The following IL1RAPL2 variants were observed in gnomAD, a reference collection of about 807,000 sequenced individuals.
IL1RAPL2 encodes X-linked interleukin-1 receptor accessory protein-like 2.
A neutral mutation model predicts 44.1 loss-of-function variants in IL1RAPL2; 3 were observed. That is an observed-to-expected ratio of 0.07 (90% CI 0.03 to 0.18). The LOEUF is 0.18. IL1RAPL2 is among the 10% of genes least tolerant of loss of function. IL1RAPL2 has a pLI of 1.00. For synonymous variants in IL1RAPL2, 181 were observed against 178.8 expected, an observed-to-expected ratio of 1.01 and a Z score of -0.10; for missense variants, 391 against 496.4, an observed-to-expected ratio of 0.79 and a Z score of 2.02.
intron 2 of IL1RAPL2, among the ~76,000 whole-genome samples, chrX:104,918,122 C>T (rs1203716030): frequency 8.9e-6 from 1 of 112,107 alleles, no homozygotes; most frequent in African/African-American, 3.2e-5. Flanking sequence ...CTGTCGCTAC[C>T]AGTGTTTCTC....
intron 2 of IL1RAPL2, among the ~76,000 whole-genome samples, chrX:105,121,162 C>T (rs764305929): frequency 1.8e-4 from 20 of 111,258 alleles, no homozygotes; most frequent in Non-Finnish European, 2.8e-4. Context: ...CTTCAACAAG[C>T]GTCAGCTATA....
chrX:105,511,348 G>A (rs773781684), intron 6 of IL1RAPL2, among the ~76,000 whole-genome samples: 1 of 111,297 alleles, frequency 9.0e-6, no homozygotes, highest in South Asian at 3.7e-4. Flanking sequence ...AAGTATTCTT[G>A]GGTCCTGCTT....
intron 2 of IL1RAPL2, among the ~76,000 whole-genome samples, chrX:104,827,148 G>A (rs1178922388): frequency 9.1e-6 from 1 of 109,700 alleles, no homozygotes; most frequent in Non-Finnish European, 1.9e-5. Flanking sequence ...ATTGTTATGT[G>A]TGAATTTGAT....
intron 2 of IL1RAPL2, among the ~76,000 whole-genome samples, chrX:105,071,860 TC>T (rs1026722346): frequency 2.7e-5 from 3 of 111,448 alleles, no homozygotes; most frequent in Non-Finnish European, 5.7e-5. Flanking sequence ...TATATGAAAA[TC>T]AACTCAAAAT....
chrX:105,603,955 T>G (rs2037273740), intron 6 of IL1RAPL2, among the ~76,000 whole-genome samples: 1 of 110,633 alleles, frequency 9.0e-6, no homozygotes, highest in South Asian at 3.8e-4. Flanking sequence ...AAAAATGCAT[T>G]GAAACAAATA....
intron 6 of IL1RAPL2, among the ~76,000 whole-genome samples, chrX:105,559,969 T>C (rs759377034): frequency 2.7e-5 from 3 of 111,908 alleles, no homozygotes; most frequent in Non-Finnish European, 5.6e-5. Context: ...TCCATAGGGC[T>C]TAGATCCCAA....
chrX:104,749,184 T>C (rs1410696276), intron 2 of IL1RAPL2, among the ~76,000 whole-genome samples: 2 of 111,096 alleles, frequency 1.8e-5, no homozygotes, highest in Non-Finnish European at 3.8e-5. Flanking sequence ...TGAGAAGGCA[T>C]AATTTATTTA....
At chrX:105,061,168 G>A (rs2032071734) in intron 2 of IL1RAPL2, among the ~76,000 whole-genome samples, 1 of 110,929 alleles carries the variant, frequency 9.0e-6, no homozygotes, top group South Asian at 3.8e-4. Context: ...TTTAATGCAG[G>A]AACTTATTAC....
chrX:105,227,959 A>G (rs782784310), intron 3 of IL1RAPL2, among the ~76,000 whole-genome samples: 29 of 111,498 alleles, frequency 2.6e-4, no homozygotes, highest in African/African-American at 9.1e-4. Flanking sequence ...CCCCTTTACT[A>G]GAAAACCTTA....
chrX:105,134,939 A>G (rs1255952226), intron 2 of IL1RAPL2, among the ~76,000 whole-genome samples: 1 of 108,402 alleles, frequency 9.2e-6, no homozygotes, highest in Non-Finnish European at 1.9e-5. Flanking sequence ...AGAGTTTGCT[A>G]TCTCTGTGGT....
At chrX:105,576,253 T>C (rs1192366760) in intron 6 of IL1RAPL2, among the ~76,000 whole-genome samples, 1 of 111,146 alleles carries the variant, frequency 9.0e-6, no homozygotes, top group Admixed American at 9.6e-5. Context: ...TAGAATGGTA[T>C]TGTGTAGGTT....
At chrX:105,328,190 G>T (rs1244680395) in intron 5 of IL1RAPL2, among the ~76,000 whole-genome samples, 1 of 111,935 alleles carries the variant, frequency 8.9e-6, no homozygotes, top group Non-Finnish European at 1.9e-5. Context: ...TGATCCCTTT[G>T]TCAAATTCTT....
chrX:105,240,125 T>G (rs1199020084), intron 4 of IL1RAPL2, among the ~76,000 whole-genome samples: 1 of 112,493 alleles, frequency 8.9e-6, no homozygotes, highest in Non-Finnish European at 1.9e-5. Flanking sequence ...ATTTGGATTA[T>G]TTTATCTTTT....
At chrX:105,429,475 T>C (rs1167487149) in intron 5 of IL1RAPL2, among the ~76,000 whole-genome samples, 1 of 112,167 alleles carries the variant, frequency 8.9e-6, no homozygotes, top group Non-Finnish European at 1.9e-5. Context: ...TCATGCTTGA[T>C]TAAATGCAGA....
intron 2 of IL1RAPL2, among the ~76,000 whole-genome samples, chrX:104,744,939 TA>T (rs777782409): frequency 2.7e-5 from 3 of 110,806 alleles, no homozygotes; most frequent in African/African-American, 9.8e-5. Context: ...GGGGCAATGA[TA>T]AACAGCTCAT....
chrX:104,588,921 A>G (rs967697599), intron 1 of IL1RAPL2, among the ~76,000 whole-genome samples: 12 of 111,994 alleles, frequency 1.1e-4, no homozygotes, highest in African/African-American at 3.9e-4. Context: ...CATGGTTTAT[A>G]TAAATAGAAA....
intron 3 of IL1RAPL2, among the ~76,000 whole-genome samples, chrX:105,210,063 A>G (rs1464861476): frequency 3.7e-5 from 4 of 109,587 alleles, no homozygotes; most frequent in Non-Finnish European, 7.6e-5. Flanking sequence ...TCCTAAAGGT[A>G]CCACTGTCCC....
intron 2 of IL1RAPL2, among the ~76,000 whole-genome samples, chrX:104,664,463 G>A (rs530746282): frequency 8.1e-5 from 9 of 111,578 alleles, no homozygotes; most frequent in South Asian, 3.8e-4. Flanking sequence ...GTCCCCAGTC[G>A]GAGAGCTGGG....
At chrX:105,462,075 T>C (rs1346077657) in intron 5 of IL1RAPL2, among the ~76,000 whole-genome samples, 2 of 111,139 alleles carry the variant, frequency 1.8e-5, no homozygotes, top group Admixed American at 9.6e-5. Context: ...CCTGCCACCA[T>C]GCAAAACTTT....
Sources: allele counts gnomAD v4.1 joint callset (sites outside exome capture counted in the v4.1 genomes callset), GRCh38; gene constraint gnomAD v4.1.1; transcripts MANE v1.5; gene names NCBI Gene and HGNC (gene_info 2026-07-23, HGNC 2026-07-21).